The following KISS1R variants were observed in gnomAD, a reference collection of about 807,000 sequenced individuals.
KISS1R encodes the protein kiSS-1 receptor.
In KISS1R, 19 loss-of-function variants were observed where a neutral mutation model predicts 22.0. The ratio of observed to expected loss-of-function variants is 0.86; its 90% CI spans 0.60 to 1.26. The LOEUF (loss-of-function observed/expected upper bound fraction) is 1.26. Ranked by LOEUF, KISS1R falls within the 50% of genes most tolerant of loss-of-function variation. The pLI is 0.00. For missense variants in KISS1R, 653 were observed against 581.9 expected (o/e 1.12, Z -1.26); for synonymous variants, 302 against 283.9 (o/e 1.06, Z -0.64).
At chr19:919,748 G>A (rs866083492) in intron 3 of KISS1R, 123 bp downstream of exon 3, 2 of 1,503,074 alleles carry the variant, frequency 1.3e-6, no homozygotes, top group Non-Finnish European at 8.9e-7. Context: ...TGCCTGCCTA[G>A]GGCCAGCGAG....
At position 917,552 on chromosome 19, in the gene KISS1R, C is replaced by T; in HGVS notation, c.50C>T (p.Ala17Val). The T allele has an allele frequency of 6.6e-7, 1 of 1,523,298 alleles. No homozygotes were observed. The highest frequency in any genetic ancestry group is 8.8e-7 in the Non-Finnish European group (1 of 1,139,880). 94.4% of individuals were successfully genotyped at this position (1,523,298 alleles called of 1,614,324 possible). ...SGPNASWGAP[A>V]NASGCPGCGA... ...CCCAACGCGTCCTGGGGGGCACCGGCCAACGCCTCCGGCTGCCCGGGCTGT... is the reference window on the plus strand; with the variant it reads ...CCCAACGCGTCCTGGGGGGCACCGGTCAACGCCTCCGGCTGCCCGGGCTGT... Residue 17 changes from alanine (A) to valine (V), a missense_variant, in exon 1 of 5, where the codon GCC becomes GTC. Transcript: ENST00000234371.
At position 919,485 on chromosome 19, in the gene KISS1R, C is replaced by T. The variant is rs958528873; in HGVS notation, c.370-5C>T. Reference sequence around the variant, plus strand: ...GGCCACACGCCCGGCTGGCGGCTCCCGCAGGTCTCGGTGCAGGCCACGTGT... The same window carrying T: ...GGCCACACGCCCGGCTGGCGGCTCCTGCAGGTCTCGGTGCAGGCCACGTGT... On this transcript the variant is annotated splice_polypyrimidine_tract_variant and splice_region_variant and intron_variant, in intron 2 of 4. Transcript: ENST00000234371. 1.3e-6 allele frequency: 2 copies of T among 1,546,560 alleles called. No homozygotes were observed. The highest frequency in any genetic ancestry group is 1.4e-5 in the African/African-American group (1 of 73,442).
Position 917,620 on chromosome 19 carries a change from G to T in KISS1R, c.118G>T (p.Val40Leu), listed in dbSNP as rs2037067901. The change falls in exon 1 of 5, where the codon GTG (valine) becomes TTG (leucine). Residue 40 changes from valine (V) to leucine (L), a missense_variant. Physicochemically the swap from Val to Leu is conservative, Grantham distance 32. Transcript: ENST00000234371. ...SDGPVPSPRA[V>L]DAWLVPLFFA... is the part of the protein sequence containing the mutation. The stretch of plus-strand genomic sequence containing the variant: ...CGGCCCAGTCCCTTCGCCGCGGGCC[G>T]TGGACGCCTGGCTCGTGCCGCTCTT... 5 of 1,575,956 alleles carry T rather than the reference G, an allele frequency of 3.2e-6. No homozygotes were observed. Among genetic ancestry groups the T allele is most frequent in the Non-Finnish European group, 4.3e-6 (5 of 1,163,266 alleles).
chr19:919,966 C>G lies in KISS1R; in HGVS notation c.598C>G (p.Leu200Val), dbSNP rs944504478. 3.8e-6 allele frequency: 6 copies of G among 1,570,754 alleles called. No individual in the cohort carries two copies. The East Asian group carries it at 9.5e-5, about 25-fold the overall frequency. Residue 200 changes from leucine (L) to valine (V), a missense_variant, in exon 4 of 5, where the codon CTG (leucine) becomes GTG (valine). By Grantham distance (32) the Leu-to-Val change is conservative. Coordinates refer to ENST00000234371, the MANE Select transcript of KISS1R (RefSeq NM_032551.5). ...CAGTGAGGCCTTCCCCAGCCGCGCC[C>G]TGGAGCGCGCCTTCGCACTGTACAA... ...YCSEAFPSRALERAFALYNLL... is the reference protein window; with the variant it reads ...YCSEAFPSRAVERAFALYNLL...
intron 1 of KISS1R, 31 bp downstream of exon 1, chr19:917,777 C>T: frequency 6.3e-7 from 1 of 1,583,026 alleles, no homozygotes; most frequent in South Asian, 1.1e-5. Flanking sequence ...GCACCTGCTG[C>T]CGTCCCGGGG....
chr19:917,662 C>A lies in KISS1R; in HGVS notation c.160C>A (p.Leu54Met). Residue 54 changes from leucine to methionine, a missense_variant, in exon 1 of 5, where the codon CTG (leucine) becomes ATG (methionine). By Grantham distance (15) the Leu-to-Met change is conservative. Coordinates refer to ENST00000234371, the MANE Select transcript of KISS1R (RefSeq NM_032551.5). Reference sequence around the variant, plus strand: ...GCCGCTCTTCTTCGCGGCGCTGATGCTGCTGGGCCTGGTGGGGAACTCGCT... The same window carrying A: ...GCCGCTCTTCTTCGCGGCGCTGATGATGCTGGGCCTGGTGGGGAACTCGCT... ...LVPLFFAALM[L>M]LGLVGNSLVI... 1 of 1,593,818 alleles carries A rather than the reference C, an allele frequency of 6.3e-7. No individual in the cohort carries two copies. The highest frequency in any genetic ancestry group is 8.5e-7 in the Non-Finnish European group (1 of 1,171,808).
In KISS1R at chr19:920,846, T is replaced by C. The variant is rs2145322861; in HGVS notation, c.*98T>C. 1 of 1,215,044 alleles carries C rather than the reference T, an allele frequency of 8.2e-7. No individual in the cohort carries two copies. The highest frequency in any genetic ancestry group is 3.2e-5 in the East Asian group (1 of 30,922). The allele number at this position is 1,215,044 out of a possible 1,614,324, so 75.3% of individuals were successfully genotyped here. A position where few individuals can be genotyped will look rare whatever the true frequency, so the allele number is the denominator to read the frequency against. On this transcript the variant is annotated 3_prime_UTR_variant, in exon 5 of 5. Coordinates refer to ENST00000234371, the MANE Select transcript of KISS1R (RefSeq NM_032551.5). ...TTAGTATTTTTCTTACTGTCCAAGA[T>C]CAACTGTGGAAATATTTTGGTCTCT...
At chr19:919,400 T>A in intron 2 of KISS1R, 90 bp from the exon 3 acceptor site, 3 of 1,511,688 alleles carry the variant, frequency 2.0e-6, no homozygotes, top group Non-Finnish European at 2.7e-6. Context: ...GCCTGAGTGT[T>A]CGCACACGTA....
chr19:918,015 C>G (rs1239164574), intron 1 of KISS1R, among the ~76,000 whole-genome samples: 5 of 152,160 alleles, frequency 3.3e-5, no homozygotes, highest in African/African-American at 1.2e-4. Flanking sequence ...GGGCTCGCCC[C>G]GGTGCAGCGC....
Position 917,404 on chromosome 19 carries a change from C to A in KISS1R, c.-99C>A. 7.5e-7 allele frequency: 1 copy of A among 1,326,356 alleles called. No individual in the cohort carries two copies. The highest frequency in any genetic ancestry group is 1.8e-5 in the South Asian group (1 of 56,036). The allele number at this position is 1,326,356 out of a possible 1,614,324, so 82.2% of individuals were successfully genotyped here. ...CCCCAGCCGAGCCCCTTCCTGAGTT[C>A]CACAGGCGCAGCCCCCGGGCGGTCG... On this transcript the variant is annotated 5_prime_UTR_variant, in exon 1 of 5. Transcript: ENST00000234371.
chr19:920,671 A>G lies in KISS1R; in HGVS notation c.1120A>G (p.Arg374Gly). Reference protein sequence around the residue: ...LRLGSHPAPARAQKPGSSGLA... With the variant: ...LRLGSHPAPAGAQKPGSSGLA... ...CCTGGGGTCCCACCCGGCCCCCGCC[A>G]GGGCGCAGAAGCCAGGGAGCAGTGG... The change falls in exon 5 of 5, where the codon AGG becomes GGG. Residue 374 changes from arginine to glycine, a missense_variant. Arg to Gly is a moderately radical substitution (Grantham distance 125, BLOSUM62 -2). Coordinates refer to ENST00000234371, the MANE Select transcript of KISS1R (RefSeq NM_032551.5). The G allele has an allele frequency of 7.6e-7, 1 of 1,316,056 alleles. No homozygotes were observed. The highest frequency in any genetic ancestry group is 9.7e-7 in the Non-Finnish European group (1 of 1,035,694). 81.5% of individuals were successfully genotyped at this position (1,316,056 alleles called of 1,614,324 possible).
At position 917,362 on chromosome 19, in the gene KISS1R, C is replaced by T; in HGVS notation, c.-141C>T. The T allele has an allele frequency of 3.0e-6, 3 of 1,014,002 alleles. No homozygotes were observed. The highest frequency in any genetic ancestry group is 2.2e-5 in the South Asian group (1 of 45,770). The allele number at this position is 1,014,002 out of a possible 1,614,324, so 62.8% of individuals were successfully genotyped here. A position where few individuals can be genotyped will look rare whatever the true frequency, so the allele number is the denominator to read the frequency against. ...GAGCCGCCGAGCCCAGCACAGCTGC[C>T]CTCTGGACCCTGCGGACCCCAGCCG... On this transcript the variant is annotated 5_prime_UTR_variant, in exon 1 of 5. Coordinates refer to ENST00000234371, the MANE Select transcript of KISS1R (RefSeq NM_032551.5).
chr19:918,560 G>A lies in KISS1R; in HGVS notation c.261G>A (p.Thr87=), dbSNP rs1351947935. Residue 87 remains threonine (T), a synonymous_variant, in exon 2 of 5, where the codon ACG becomes ACA. Transcript: ENST00000234371. ...CCACCGCAGCCAACCTGGCGGCCAC[G>A]GACGTGACCTTCCTCCTGTGCTGCG... ...TNFYIANLAA[T]DVTFLLCCVP... The A allele has an allele frequency of 1.3e-6, 2 of 1,550,706 alleles. No individual in the cohort carries two copies. Among genetic ancestry groups the A allele is most frequent in the East Asian group, 2.4e-5 (1 of 41,126 alleles).
Position 918,540 on chromosome 19 carries a change from G to T in KISS1R, c.245-4G>T, listed in dbSNP as rs770879507. 6.5e-7 allele frequency: 1 copy of T among 1,547,924 alleles called. No homozygotes were observed. The stretch of plus-strand genomic sequence containing the variant: ...CGCCCAGCGCCCGCGCATCCCCACC[G>T]CAGCCAACCTGGCGGCCACGGACGT... On this transcript the variant is annotated splice_region_variant and splice_polypyrimidine_tract_variant and intron_variant, in intron 1 of 4. Transcript: ENST00000234371.
In KISS1R at chr19:919,577, C is replaced by T; in HGVS notation, c.457C>T (p.Arg153Cys). 1.3e-6 allele frequency: 2 copies of T among 1,555,634 alleles called. No homozygotes were observed. Among genetic ancestry groups the T allele is most frequent in the Non-Finnish European group, 1.7e-6 (2 of 1,153,702 alleles). The change falls in exon 3 of 5, where the codon CGC (arginine) becomes TGC (cysteine). Residue 153 changes from arginine to cysteine, a missense_variant. Coordinates refer to ENST00000234371, the MANE Select transcript of KISS1R (RefSeq NM_032551.5). ...GGTGTTCCCGTTGCGCGCCCTGCAC[C>T]GCCGCACGCCCCGCCTGGCGCTGGC... ...VTVFPLRALH[R>C]RTPRLALAVS...
chr19:919,066 G>A (rs1204388203), intron 2 of KISS1R, among the ~76,000 whole-genome samples: 1 of 150,168 alleles, frequency 6.7e-6, no homozygotes, highest in East Asian at 2.0e-4. Flanking sequence ...CAACGCATAG[G>A]AGAACCAGGG....
chr19:918,682 C>G lies in KISS1R; in HGVS notation c.369+14C>G, dbSNP rs574548677. The G allele has an allele frequency of 6.5e-6, 10 of 1,548,184 alleles. No homozygotes were observed. The African/African-American group carries it at 1.2e-4, about 19-fold the overall frequency. On this transcript the variant is annotated intron_variant, in intron 2 of 4. Transcript: ENST00000234371. ...TACATCCAGCAGGTGCGCTCCGGAG[C>G]AGGAGGGGAGAGGGCGCACTTGGGG...
Position 920,593 on chromosome 19 carries a change from C to T in KISS1R, c.1042C>T (p.Pro348Ser). Reference sequence around the variant, plus strand: ...CTGCGCGCCGCGCCGCCCCCGCCGCCCCCGCCGGCCCGGACCCTCGGACCC... The same window carrying T: ...CTGCGCGCCGCGCCGCCCCCGCCGCTCCCGCCGGCCCGGACCCTCGGACCC... The part of the protein sequence containing the change: ...CPCAPRRPRR[P>S]RRPGPSDPAA... Residue 348 changes from proline to serine, a missense_variant, in exon 5 of 5, where the codon CCC becomes TCC. Pro to Ser is a moderately conservative substitution (Grantham distance 74). Transcript: ENST00000234371. 6.9e-7 allele frequency: 1 copy of T among 1,459,130 alleles called. No individual in the cohort carries two copies. Among genetic ancestry groups the T allele is most frequent in the Non-Finnish European group, 9.0e-7 (1 of 1,111,358 alleles). The allele number at this position is 1,459,130 out of a possible 1,614,324, so 90.4% of individuals were successfully genotyped here.
Position 917,892 on chromosome 19 carries a change from C to T in KISS1R, c.244+146C>T, listed in dbSNP as rs1364788361. On this transcript the variant is annotated intron_variant, in intron 1 of 4. Transcript: ENST00000234371. ...GGTCCCCCCCAACCTCGAATCTTTT[C>T]CCTGTGGTCCCTGCACCTGAGGCTA... is the stretch of plus-strand genomic sequence containing the variant. 7.9e-6 allele frequency: 8 copies of T among 1,011,716 alleles called. 1 individual carries two copies. The highest frequency in any genetic ancestry group is 2.9e-5 in the East Asian group (1 of 34,524). The allele number at this position is 1,011,716 out of a possible 1,614,324, so 62.7% of individuals were successfully genotyped here.
Sources: allele counts gnomAD v4.1 joint callset (sites outside exome capture counted in the v4.1 genomes callset), GRCh38; gene constraint gnomAD v4.1.1; transcripts MANE v1.5; gene names NCBI Gene and HGNC (gene_info 2026-07-23, HGNC 2026-07-21).